KIFC3: variants seen among roughly 807,000 people sequenced by gnomAD.
KIFC3 encodes kinesin family member C3.
In KIFC3, 60 loss-of-function variants were observed where a neutral mutation model predicts 101.8. The observed-to-expected ratio is 0.59, with a 90% CI of 0.48 to 0.73. The LOEUF is 0.73. Among genes scored for constraint, KIFC3 ranks in the 30% least tolerant of loss-of-function variants. The pLI is 0.00. For missense variants in KIFC3, 966 were observed against 1,137.1 expected, an observed-to-expected ratio of 0.85 and a Z score of 2.16; for synonymous variants, 476 against 482.7, an observed-to-expected ratio of 0.99 and a Z score of 0.18.
chr16:57,816,952 A>G (rs376766376), intron 1 of KIFC3: 31 of 337,720 alleles, frequency 9.2e-5, no homozygotes, highest in East Asian at 8.0e-4. Flanking sequence ...CTTCACACTC[A>G]CTACATGCCG....
At chr16:57,798,454 G>T in intron 1 of KIFC3, 172 bp from the exon 2 acceptor site, 1 of 633,394 alleles carries the variant, frequency 1.6e-6, no homozygotes, top group Admixed American at 2.9e-5. Context: ...GGATGAAATG[G>T]GGCCTGCTGC....
chr16:57,817,313 C>T (rs959096237), intron 1 of KIFC3, among the ~76,000 whole-genome samples: 13 of 151,432 alleles, frequency 8.6e-5, no homozygotes, highest in South Asian at 4.2e-4. Context: ...AAGCTGAGAT[C>T]GCACCATTGC....
At chr16:57,795,884 G>GTTTTTTTTTTT (rs797031930) in intron 2 of KIFC3, among the ~76,000 whole-genome samples, 6 of 58,788 alleles carry the variant, frequency 1.0e-4, no homozygotes, top group Non-Finnish European at 2.0e-4. Context: ...GGGCTTTTTT[G>GTTTTTTTTTTT]TTTTTTTTTT....
At position 57,762,073 on chromosome 16, in the gene KIFC3, C is replaced by A. The variant is rs782664422; in HGVS notation, c.1748+67G>T. On this transcript the variant is annotated intron_variant, in intron 13 of 19. Coordinates refer to ENST00000445690, the MANE Select transcript of KIFC3 (RefSeq NM_001130100.2). ...GGGGGTCCCACCTGAGGACCTCGTT[C>A]CAGCACCACCCCGGAGGACCCCAAA... 5 of 1,499,452 alleles carry A rather than the reference C, an allele frequency of 3.3e-6. No homozygotes were observed. In the South Asian group the frequency reaches 4.0e-5, roughly 12 times the overall value. The allele number at this position is 1,499,452 out of a possible 1,614,324, so 92.9% of individuals were successfully genotyped here. A position where few individuals can be genotyped will look rare whatever the true frequency, so the allele number is the denominator to read the frequency against.
intron 2 of KIFC3, chr16:57,797,864 C>A: frequency 6.9e-7 from 1 of 1,456,724 alleles, no homozygotes; most frequent in Non-Finnish European, 9.0e-7. Flanking sequence ...TTCCAGGTCT[C>A]CTCTTTTCCA....
At chr16:57,837,145 CT>C (rs2055702706) in intron 1 of KIFC3, among the ~76,000 whole-genome samples, 1 of 152,114 alleles carries the variant, frequency 6.6e-6, no homozygotes, top group Non-Finnish European at 1.5e-5. Flanking sequence ...ATTCAATCAA[CT>C]CAATAGAGAA....
chr16:57,770,423 G>T, intron 7 of KIFC3, 104 bp downstream of exon 7: 1 of 1,072,810 alleles, frequency 9.3e-7, no homozygotes, highest in Non-Finnish European at 1.2e-6. Context: ...AGGAGGGACT[G>T]GACCCCGTGT....
At chr16:57,799,477 C>T (rs555284895) in intron 1 of KIFC3, among the ~76,000 whole-genome samples, 106 of 152,306 alleles carry the variant, frequency 7.0e-4, no homozygotes, top group African/African-American at 2.1e-3. Context: ...CCTCCCCTGA[C>T]CCACTATGGG....
intron 11 of KIFC3, 85 bp from the exon 12 acceptor site, chr16:57,764,332 C>T: frequency 1.3e-6 from 1 of 748,150 alleles, no homozygotes; most frequent in Non-Finnish European, 2.3e-6. Context: ...ACCTCCCCAA[C>T]CATGCTGTCC....
chr16:57,857,391 CTTTCT>C (rs770385040), intron 1 of KIFC3, among the ~76,000 whole-genome samples: 25 of 81,108 alleles, frequency 3.1e-4, no homozygotes, highest in East Asian at 2.1e-3. Flanking sequence ...CCCCTAAAAC[CTTTCT>C]TTTTTTTTTT....
intron 1 of KIFC3, among the ~76,000 whole-genome samples, chr16:57,808,307 C>A (rs1217721004): frequency 6.6e-6 from 1 of 152,104 alleles, no homozygotes; most frequent in Non-Finnish European, 1.5e-5. Flanking sequence ...GTAGCACGGG[C>A]CAAATAAGCC....
intron 12 of KIFC3, among the ~76,000 whole-genome samples, chr16:57,763,663 G>A (rs532959720): frequency 1.3e-5 from 2 of 152,106 alleles, no homozygotes; most frequent in East Asian, 1.9e-4. Context: ...GCCTTGGCCT[G>A]GCCCCAGGGA....
At chr16:57,860,049 A>G (rs1488528042) in intron 1 of KIFC3, among the ~76,000 whole-genome samples, 2 of 119,304 alleles carry the variant, frequency 1.7e-5, no homozygotes, top group African/African-American at 7.0e-5. Flanking sequence ...AAATAAAATA[A>G]AATAAAATAA....
chr16:57,772,183 C>T, intron 4 of KIFC3, 40 bp downstream of exon 4: 3 of 1,579,790 alleles, frequency 1.9e-6, no homozygotes, highest in Non-Finnish European at 1.7e-6. Context: ...ACAAGGCAGG[C>T]CAGGCCCTGC....
At chr16:57,800,377 C>A (rs181158997) in intron 1 of KIFC3, among the ~76,000 whole-genome samples, 1 of 152,300 alleles carries the variant, frequency 6.6e-6, no homozygotes, top group African/African-American at 2.4e-5. Context: ...TGAGATGGAC[C>A]AGTGTGGCGT....
At chr16:57,812,074 C>T (rs1463290004) in intron 1 of KIFC3, among the ~76,000 whole-genome samples, 22 of 146,926 alleles carry the variant, frequency 1.5e-4, no homozygotes, top group African/African-American at 5.3e-4. Context: ...GACGGAGTCT[C>T]GCTGTCACCC....
chr16:57,761,666 TCTC>T (rs1426285515), intron 13 of KIFC3, 130 bp from the exon 14 acceptor site: 1 of 987,572 alleles, frequency 1.0e-6, no homozygotes, highest in Non-Finnish European at 1.5e-6. Context: ...TGAGTGCATC[TCTC>T]CTCCTCCAGC....
In KIFC3 at chr16:57,802,118, A is replaced by C. The variant is rs555366361; in HGVS notation, c.-40+252T>G. Among the ~76,000 whole-genome samples the C allele has an allele frequency of 1.1e-3, 165 of 152,322 alleles. No individual in the cohort carries two copies. The highest frequency in any genetic ancestry group is 4.1e-3 in the Admixed American group (62 of 15,308). On this transcript the variant is annotated intron_variant, in intron 1 of 19. Transcript: ENST00000445690. The surrounding 1 kb of genome is among the most constrained non-coding windows in gnomAD (Gnocchi z 5.0). ...TCAATAAAATCCAAACGGGGTCCCG[A>C]GGCTGCTCGGATCCCGTGGGACACG...
At chr16:57,845,065 G>C (rs1403754893) in intron 1 of KIFC3, among the ~76,000 whole-genome samples, 1 of 152,042 alleles carries the variant, frequency 6.6e-6, no homozygotes, top group Non-Finnish European at 1.5e-5. Flanking sequence ...AGTGACCTAG[G>C]CTCCTGATAT....
Sources: gnomAD v4.1 joint callset for allele counts (sites outside exome capture counted in the v4.1 genomes callset) on GRCh38, gnomAD v4.1.1 for gene constraint, Gnocchi (gnomAD v3.1) non-coding constraint, MANE v1.5 for transcripts, NCBI Gene and HGNC (gene_info 2026-07-23, HGNC 2026-07-21) for gene names.